Variants in MTHFD1L observed in about 807,000 individuals in gnomAD.
The protein encoded by MTHFD1L is monofunctional C1-tetrahydrofolate synthase, mitochondrial.
MTHFD1L carries 81 observed loss-of-function variants against 119.5 expected under a neutral mutation model. That is an observed-to-expected ratio of 0.68 (90% CI 0.57 to 0.82). MTHFD1L has a LOEUF of 0.82. Ranked by LOEUF, MTHFD1L falls within the 40% of genes least tolerant of loss-of-function variation. The probability of loss-of-function intolerance (pLI) is 0.00; values close to 1 mark genes in which losing one functional copy is unlikely to be tolerated. For missense variants in MTHFD1L, 1,125 were observed against 1,253.4 expected, an observed-to-expected ratio of 0.90 and a Z score of 1.55; for synonymous variants, 430 against 475.2, an observed-to-expected ratio of 0.90 and a Z score of 1.24.
At chr6:151,057,697 A>G (rs893666897) in intron 26 of MTHFD1L, among the ~76,000 whole-genome samples, 3 of 152,150 alleles carry the variant, frequency 2.0e-5, no homozygotes, top group African/African-American at 7.2e-5. Context: ...ACACACATAT[A>G]CGATAAGATA....
intron 22 of MTHFD1L, among the ~76,000 whole-genome samples, chr6:151,014,389 A>G (rs912764622): frequency 2.0e-5 from 3 of 152,260 alleles, no homozygotes; most frequent in African/African-American, 7.2e-5. Flanking sequence ...TCAGAAACAA[A>G]TATGAAGCTT....
At chr6:151,089,203 G>C (rs1562649056) in intron 26 of MTHFD1L, among the ~76,000 whole-genome samples, 1 of 152,194 alleles carries the variant, frequency 6.6e-6, no homozygotes, top group Admixed American at 6.5e-5. Flanking sequence ...GGGTGGGGCA[G>C]CATCAGTGTG....
intron 19 of MTHFD1L, among the ~76,000 whole-genome samples, chr6:150,971,481 G>A (rs1797997874): frequency 6.6e-6 from 1 of 152,164 alleles, no homozygotes. Context: ...TTACAGGCGT[G>A]AGTCACTGTG....
intron 1 of MTHFD1L, among the ~76,000 whole-genome samples, chr6:150,874,260 A>G (rs1263753382): frequency 6.6e-6 from 1 of 152,236 alleles, no homozygotes; most frequent in Non-Finnish European, 1.5e-5. Flanking sequence ...CTTTATCCCA[A>G]GTGTTTCCAA....
chr6:150,891,733 G>A (rs1562327403), intron 7 of MTHFD1L, among the ~76,000 whole-genome samples: 1 of 151,980 alleles, frequency 6.6e-6, no homozygotes, highest in Non-Finnish European at 1.5e-5. Context: ...AATAGGTGTT[G>A]TCTAGGTATG....
At chr6:151,010,754 T>C (rs1042160207) in intron 21 of MTHFD1L, among the ~76,000 whole-genome samples, 1 of 142,816 alleles carries the variant, frequency 7.0e-6, no homozygotes, top group Non-Finnish European at 1.5e-5. Flanking sequence ...TTTATACTGA[T>C]TAATCATTTT....
At chr6:150,958,786 T>C (rs949670839) in intron 17 of MTHFD1L, among the ~76,000 whole-genome samples, 5 of 152,188 alleles carry the variant, frequency 3.3e-5, no homozygotes, top group African/African-American at 1.2e-4. Flanking sequence ...AAAACAGAAA[T>C]GAGCAGCCTT....
chr6:150,890,156 C>T (rs60730470), intron 7 of MTHFD1L, among the ~76,000 whole-genome samples: 23,693 of 151,064 alleles, frequency 0.16, 2,176 homozygotes, highest in Admixed American at 0.29. Flanking sequence ...AACTCCGTCT[C>T]AAAAAAATAA....
rs984621969 is a variant in MTHFD1L, at chr6:150,922,166, T to C, written c.985-39T>C. On this transcript the variant is annotated intron_variant, in intron 9 of 27. Transcript: ENST00000367321. The stretch of plus-strand genomic sequence containing the variant: ...TTTAAGTGTGTGCCCTGTCAGCTTT[T>C]ACCATTCTAACATGTTTTCCCCTCT... 3 of 1,477,480 alleles carry C rather than the reference T, an allele frequency of 2.0e-6. No individual in the cohort carries two copies. The African/African-American group carries it at 4.1e-5, about 20-fold the overall frequency. The allele number at this position is 1,477,480 out of a possible 1,614,324, so 91.5% of individuals were successfully genotyped here.
At chr6:151,079,849 C>T (rs904494472) in intron 26 of MTHFD1L, among the ~76,000 whole-genome samples, 1 of 150,834 alleles carries the variant, frequency 6.6e-6, no homozygotes, top group Non-Finnish European at 1.5e-5. Context: ...TAAGCCAGCA[C>T]GTGATTTACT....
chr6:150,866,694 T>G, intron 1 of MTHFD1L: 1 of 1,140,500 alleles, frequency 8.8e-7, no homozygotes, highest in Non-Finnish European at 1.1e-6. Context: ...CAGCGCTGGT[T>G]TCCAGCTTCG....
At chr6:151,073,641 A>C (rs1036019002) in intron 26 of MTHFD1L, among the ~76,000 whole-genome samples, 3 of 152,196 alleles carry the variant, frequency 2.0e-5, no homozygotes, top group African/African-American at 7.2e-5. Context: ...GATATAACAA[A>C]GATATAAATC....
At chr6:151,091,732 G>A (rs1039661289) in intron 26 of MTHFD1L, among the ~76,000 whole-genome samples, 1 of 152,114 alleles carries the variant, frequency 6.6e-6, no homozygotes, top group African/African-American at 2.4e-5. Flanking sequence ...CAGTCGTAGG[G>A]GTGGCTGTGG....
chr6:150,888,440 A>G (rs1782677889), intron 7 of MTHFD1L, among the ~76,000 whole-genome samples: 1 of 152,234 alleles, frequency 6.6e-6, no homozygotes. Context: ...TGTCACTGTA[A>G]TTCACCACAT....
At chr6:151,097,798 A>G (rs937772011) in intron 27 of MTHFD1L, among the ~76,000 whole-genome samples, 2 of 152,224 alleles carry the variant, frequency 1.3e-5, no homozygotes, top group African/African-American at 2.4e-5. Context: ...TAAATACTCA[A>G]GATAATGGAC....
chr6:151,062,693 T>C (rs556624490), intron 26 of MTHFD1L, among the ~76,000 whole-genome samples: 1 of 152,292 alleles, frequency 6.6e-6, no homozygotes, highest in East Asian at 1.9e-4. Context: ...AACAAGTTTA[T>C]TATTTGCTTG....
chr6:150,870,457 A>G (rs1319364599), intron 1 of MTHFD1L, among the ~76,000 whole-genome samples: 1 of 152,136 alleles, frequency 6.6e-6, no homozygotes, highest in African/African-American at 2.4e-5. Context: ...CTGTACAGGC[A>G]CCCCTAAGAT....
At chr6:150,884,192 A>G (rs1781837333) in intron 5 of MTHFD1L, among the ~76,000 whole-genome samples, 1 of 144,320 alleles carries the variant, frequency 6.9e-6, no homozygotes, top group Non-Finnish European at 1.5e-5. Context: ...CCCAGGCTGG[A>G]GTGCAGTGAC....
chr6:151,088,103 A>G (rs1794000241), intron 26 of MTHFD1L: 1 of 152,244 alleles, frequency 6.6e-6, no homozygotes, highest in African/African-American at 2.4e-5. Context: ...CTTTGATAAC[A>G]GTTTTTTTTA....
Sources: allele counts gnomAD v4.1 joint callset (sites outside exome capture counted in the v4.1 genomes callset), GRCh38; gene constraint gnomAD v4.1.1; transcripts MANE v1.5; gene names NCBI Gene and HGNC (gene_info 2026-07-23, HGNC 2026-07-21).